Variants in FKBP5 observed in about 807,000 individuals in gnomAD.
FKBP5 encodes the protein FKBP prolyl isomerase 5, also known as peptidyl-prolyl cis-trans isomerase FKBP5.
A neutral mutation model predicts 50.5 loss-of-function variants in FKBP5; 23 were observed. That is an observed-to-expected ratio of 0.46 (90% CI 0.33 to 0.65). The LOEUF is 0.65. Ranked by LOEUF, FKBP5 falls within the 30% of genes least tolerant of loss-of-function variation. FKBP5 has a pLI of 0.02. For missense variants in FKBP5, 411 were observed against 553.1 expected (o/e 0.74, Z 2.58); for synonymous variants, 176 against 190.6 (o/e 0.92, Z 0.63).
At chr6:35,604,822 G>A (rs1450503932) in intron 5 of FKBP5, among the ~76,000 whole-genome samples, 3 of 150,758 alleles carry the variant, frequency 2.0e-5, no homozygotes, top group Admixed American at 6.6e-5. Flanking sequence ...ATGGAGTCTC[G>A]CTCTGTTGCC....
intron 3 of FKBP5, among the ~76,000 whole-genome samples, chr6:35,623,727 A>G (rs1282666484): frequency 1.3e-5 from 2 of 150,166 alleles, no homozygotes; most frequent in Admixed American, 1.3e-4. Context: ...GTACCACCAC[A>G]TTGGGCTAAT....
At chr6:35,613,550 G>A (rs1287153882) in intron 5 of FKBP5, among the ~76,000 whole-genome samples, 3 of 152,034 alleles carry the variant, frequency 2.0e-5, no homozygotes. Flanking sequence ...TCACATCTAA[G>A]TGTATTTGGT....
chr6:35,707,574 G>T (rs1766343562), intron 2 of FKBP5, among the ~76,000 whole-genome samples: 1 of 151,980 alleles, frequency 6.6e-6, no homozygotes, highest in Non-Finnish European at 1.5e-5. Flanking sequence ...TAGGTTCAGG[G>T]GTACATGTGC....
intron 2 of FKBP5, among the ~76,000 whole-genome samples, chr6:35,701,830 C>T (rs1008051764): frequency 6.6e-6 from 1 of 151,932 alleles, no homozygotes; most frequent in Non-Finnish European, 1.5e-5. Context: ...TGTGAGCCAC[C>T]ACACCTGGCC....
chr6:35,663,359 G>C (rs1321253500), intron 1 of FKBP5, among the ~76,000 whole-genome samples: 3 of 152,230 alleles, frequency 2.0e-5, no homozygotes, highest in Non-Finnish European at 4.4e-5. Flanking sequence ...GACTGTGAAG[G>C]ACCTTGTGTG....
chr6:35,590,469 CAGGTCG>C (rs1299597373), intron 7 of FKBP5, among the ~76,000 whole-genome samples: 1 of 152,120 alleles, frequency 6.6e-6, no homozygotes, highest in Non-Finnish European at 1.5e-5. Flanking sequence ...TGTGTGTGTC[CAGGTCG>C]GCTGCTGCTG....
At chr6:35,669,983 C>T (rs1765340193) in intron 1 of FKBP5, among the ~76,000 whole-genome samples, 1 of 152,148 alleles carries the variant, frequency 6.6e-6, no homozygotes, top group African/African-American at 2.4e-5. Flanking sequence ...CCCCATTCTG[C>T]TCATTATTTC....
At chr6:35,688,512 G>T (rs1321716944) in intron 1 of FKBP5, among the ~76,000 whole-genome samples, 1 of 151,566 alleles carries the variant, frequency 6.6e-6, no homozygotes, top group African/African-American at 2.4e-5. Flanking sequence ...GCCGGCGGGG[G>T]CGGAGAGCGG....
intron 5 of FKBP5, among the ~76,000 whole-genome samples, chr6:35,598,136 G>C (rs1038668336): frequency 6.6e-6 from 1 of 152,134 alleles, no homozygotes; most frequent in Non-Finnish European, 1.5e-5. Flanking sequence ...CTCTTTCCCA[G>C]AGTAATTTCA....
chr6:35,595,229 C>G (rs539385878), intron 6 of FKBP5, among the ~76,000 whole-genome samples: 1 of 152,296 alleles, frequency 6.6e-6, no homozygotes, highest in East Asian at 1.9e-4. Context: ...AATTTAAAGA[C>G]AATTTCTATT....
chr6:35,586,144 A>T, intron 8 of FKBP5: 1 of 984,954 alleles, frequency 1.0e-6, no homozygotes, highest in Non-Finnish European at 1.2e-6. Context: ...TCTGCTTGAC[A>T]TGGAGAAGGC....
chr6:35,585,100 TTAC>T, intron 8 of FKBP5: 1 of 984,476 alleles, frequency 1.0e-6, no homozygotes, highest in Non-Finnish European at 1.2e-6. Context: ...CTGAGCTGTT[TTAC>T]TACACTGAAT....
At chr6:35,586,318 A>T (rs1333979808) in intron 8 of FKBP5, 10 of 985,186 alleles carry the variant, frequency 1.0e-5, no homozygotes, top group Non-Finnish European at 1.2e-5. Context: ...GATGAATATC[A>T]TTCAGGAATA....
chr6:35,642,531 C>A (rs6902124), intron 2 of FKBP5, among the ~76,000 whole-genome samples, 189 bp downstream of exon 2: 100,173 of 152,012 alleles, frequency 0.66, 33,340 homozygotes, highest in Non-Finnish European at 0.7. Context: ...CCAGCCTGGG[C>A]AACATAACGA....
chr6:35,604,513 G>T (rs973342999), intron 5 of FKBP5, among the ~76,000 whole-genome samples: 1 of 151,988 alleles, frequency 6.6e-6, no homozygotes, highest in Non-Finnish European at 1.5e-5. Context: ...TATATCCCAG[G>T]ACATTCATAA....
In FKBP5 at chr6:35,642,785, G is replaced by A; in HGVS notation, c.40C>T (p.Pro14Ser). 2 of 1,613,838 alleles carry A rather than the reference G, an allele frequency of 1.2e-6. No individual in the cohort carries two copies. The highest frequency in any genetic ancestry group is 2.2e-5 in the East Asian group (1 of 44,864). ...CCCTGCTCAGCAACAGTGGCTGTGG[G>A]GCTTTCTTCATTGTTCTTGGCACCT... ...DEGAKNNEES[P>S]TATVAEQGED... The change falls in exon 2 of 11, where the codon CCC (proline) becomes TCC (serine). Residue 14 changes from proline (P) to serine (S), a missense_variant. Pro to Ser is a moderately conservative substitution (Grantham distance 74, BLOSUM62 -1). Around this residue, in one of 3 missense-constraint regions of FKBP5, gnomAD observed 56 missense variants for 58.2 expected, o/e 0.96. Coordinates refer to ENST00000357266, the MANE Select transcript of FKBP5 (RefSeq NM_004117.4).
rs533649028 is a variant in FKBP5 at position 35,615,453 on chromosome 6, TA to T, written c.508+3642del. Among the ~76,000 whole-genome samples, 8 of 151,694 alleles carry T rather than the reference TA, an allele frequency of 5.3e-5. No individual in the cohort carries two copies. The South Asian group carries it at 8.3e-4, about 16-fold the overall frequency. On this transcript the variant is annotated intron_variant, in intron 5 of 10. Transcript: ENST00000357266. ...TGGTACCAGAAAATAAGGAAGCACT[TA>T]AAAAAAATGGGGATAATATTGAAAG...
At chr6:35,575,980 A>G (rs1223654555) in intron 10 of FKBP5, 38 bp from the exon 11 acceptor site, 2 of 1,397,556 alleles carry the variant, frequency 1.4e-6, no homozygotes, top group African/African-American at 1.4e-5. Flanking sequence ...GTTAGAGAAT[A>G]AAGAAGTGAA....
Position 35,590,620 on chromosome 6 carries a change from C to G in FKBP5, c.756+510G>C, listed in dbSNP as rs74791723. ...AAAAAAAATGGCTTCGGGTTAGCTG[C>G]TTTCTTTCTTGTATCTCTGGTCACA... On this transcript the variant is annotated intron_variant, in intron 7 of 10. Coordinates refer to ENST00000357266, the MANE Select transcript of FKBP5 (RefSeq NM_004117.4). Among the ~76,000 whole-genome samples, 1,165 of 152,216 alleles carry G rather than the reference C, an allele frequency of 7.7e-3. 12 individuals carry two copies. Among genetic ancestry groups the G allele is most frequent in the African/African-American group, 0.024 (1,013 of 41,546 alleles).
Sources: gnomAD v4.1 joint callset for allele counts (sites outside exome capture counted in the v4.1 genomes callset) on GRCh38, gnomAD v4.1.1 for gene constraint, gnomAD v4.1.1 regional missense constraint, MANE v1.5 for transcripts, NCBI Gene and HGNC (gene_info 2026-07-23, HGNC 2026-07-21) for gene names.